SLC1A1: variants seen among roughly 807,000 people sequenced by gnomAD.
The protein encoded by SLC1A1 is excitatory amino acid transporter 3.
A neutral mutation model predicts 53.3 loss-of-function variants in SLC1A1; 43 were observed. The observed-to-expected ratio is 0.81, with a 90% confidence interval of 0.63 to 1.04. SLC1A1 has a LOEUF of 1.04. SLC1A1 is among the 50% of genes least tolerant of loss of function. SLC1A1 has a pLI of 0.00. For missense variants in SLC1A1, 748 were observed against 664.9 expected (o/e 1.12, Z -1.37); for synonymous variants, 307 against 243.2 (o/e 1.26, Z -2.44).
At chr9:4,523,664 C>T (rs1222727788) in intron 1 of SLC1A1, among the ~76,000 whole-genome samples, 1 of 152,194 alleles carries the variant, frequency 6.6e-6, no homozygotes, top group Non-Finnish European at 1.5e-5. Flanking sequence ...CTCTTTTGAG[C>T]ATTTCATGAG....
intron 1 of SLC1A1, among the ~76,000 whole-genome samples, chr9:4,533,898 G>A (rs200254282): frequency 1.3e-5 from 2 of 152,158 alleles, no homozygotes; most frequent in East Asian, 1.9e-4. Context: ...ACTCAGGATT[G>A]AGAAACTCAC....
intron 1 of SLC1A1, among the ~76,000 whole-genome samples, chr9:4,538,972 G>A (rs2130868242): frequency 1.3e-5 from 2 of 152,338 alleles, no homozygotes. Flanking sequence ...TTTGCTTAAT[G>A]TAGTGCCTAG....
intron 1 of SLC1A1, among the ~76,000 whole-genome samples, chr9:4,505,109 T>A (rs1045781739): frequency 4.2e-5 from 6 of 141,486 alleles, no homozygotes; most frequent in Non-Finnish European, 6.1e-5. Flanking sequence ...TGCAGCGGCA[T>A]GATCTTGGCT....
chr9:4,578,441 A>G (rs1295958416), intron 10 of SLC1A1, among the ~76,000 whole-genome samples: 1 of 152,128 alleles, frequency 6.6e-6, no homozygotes, highest in Non-Finnish European at 1.5e-5. Flanking sequence ...ACGTAGGGAG[A>G]GTTTGCAGAG....
At chr9:4,523,085 C>T (rs1343567019) in intron 1 of SLC1A1, among the ~76,000 whole-genome samples, 1 of 152,200 alleles carries the variant, frequency 6.6e-6, no homozygotes, top group Non-Finnish European at 1.5e-5. Context: ...CCTCCTCCTC[C>T]CCATCCCTGT....
chr9:4,577,745 G>A (rs1820695135), intron 10 of SLC1A1, among the ~76,000 whole-genome samples: 1 of 152,194 alleles, frequency 6.6e-6, no homozygotes, highest in African/African-American at 2.4e-5. Context: ...AAAGTGCCGG[G>A]ATTATAGGTG....
intron 6 of SLC1A1, among the ~76,000 whole-genome samples, chr9:4,568,638 T>C (rs1484035528): frequency 2.0e-5 from 3 of 151,438 alleles, no homozygotes; most frequent in South Asian, 2.1e-4. Context: ...GGAGGATCGT[T>C]TGAGCTATGA....
In SLC1A1 at chr9:4,586,963, T is replaced by C. The variant is rs1371392698; in HGVS notation, c.*1405T>C. On this transcript the variant is annotated 3_prime_UTR_variant, in exon 12 of 12. Transcript: ENST00000262352. ...ATTATAGTCTGTACTTCAGTTCTCA[T>C]CTTGTAAATAATGCTTAACATAAAC... 4 of 152,628 alleles carry C rather than the reference T, an allele frequency of 2.6e-5. No individual in the cohort carries two copies. Among genetic ancestry groups the C allele is most frequent in the Non-Finnish European group, 5.9e-5 (4 of 68,046 alleles). 9.5% of individuals were successfully genotyped at this position (152,628 alleles called of 1,614,324 possible).
At chr9:4,537,190 T>TA (rs977581681) in intron 1 of SLC1A1, among the ~76,000 whole-genome samples, 401 of 146,744 alleles carry the variant, frequency 2.7e-3, no homozygotes, top group African/African-American at 8.1e-3. Flanking sequence ...ACTTAAATAA[T>TA]AAAAAAAAAA....
chr9:4,565,765 A>C (rs759473150), intron 4 of SLC1A1, among the ~76,000 whole-genome samples: 2 of 152,194 alleles, frequency 1.3e-5, no homozygotes, highest in African/African-American at 2.4e-5. Flanking sequence ...ATTAAAGAAT[A>C]AATAGTCTCT....
intron 1 of SLC1A1, among the ~76,000 whole-genome samples, chr9:4,505,837 A>G (rs544095382): frequency 7.9e-5 from 12 of 151,688 alleles, no homozygotes; most frequent in African/African-American, 2.2e-4. Context: ...TTGTACTTTT[A>G]GTTTTTGGGA....
intron 1 of SLC1A1, among the ~76,000 whole-genome samples, chr9:4,510,831 C>G (rs996536462): frequency 6.6e-6 from 1 of 152,170 alleles, no homozygotes; most frequent in African/African-American, 2.4e-5. Context: ...ATTGGCTAGA[C>G]CAGGGTCCCT....
At position 4,556,405 on chromosome 9, in the gene SLC1A1, G is replaced by T. The variant is rs576796419; in HGVS notation, c.233-5044G>T. ...TTAAATACTCACTGTTGATTTCTGT[G>T]CAGATGCCATCACACCTGCTTAGTT... On this transcript the variant is annotated intron_variant, in intron 2 of 11. Coordinates refer to ENST00000262352, the MANE Select transcript of SLC1A1 (RefSeq NM_004170.6). This position sits in a 1 kb window ranked among gnomAD's most constrained non-coding sequence, Gnocchi z 4.1. Among the ~76,000 whole-genome samples the T allele has an allele frequency of 6.6e-4, 100 of 152,218 alleles. No individual in the cohort carries two copies. The highest frequency in any genetic ancestry group is 2.6e-4 in the Non-Finnish European group (18 of 68,022).
chr9:4,521,193 TTC>T (rs1288673751), intron 1 of SLC1A1, among the ~76,000 whole-genome samples: 1 of 152,232 alleles, frequency 6.6e-6, no homozygotes, highest in Non-Finnish European at 1.5e-5. Flanking sequence ...ATTTGCACAC[TTC>T]TCTTTTTTGA....
intron 2 of SLC1A1, among the ~76,000 whole-genome samples, chr9:4,552,831 T>C (rs1818044551): frequency 6.6e-6 from 1 of 151,528 alleles, no homozygotes; most frequent in African/African-American, 2.4e-5. Flanking sequence ...TTTTACTTAC[T>C]CTTTTTTGTC....
At position 4,496,813 on chromosome 9, in the gene SLC1A1, C is replaced by T. The variant is rs192329678; in HGVS notation, c.91+6043C>T. ...TCAAGAGGCTGATGTGGGAAGATCA[C>T]ATGAGGCCAGGAGTTCCAGGCTGCA... On this transcript the variant is annotated intron_variant, in intron 1 of 11. Coordinates refer to ENST00000262352, the MANE Select transcript of SLC1A1 (RefSeq NM_004170.6). Among the ~76,000 whole-genome samples the T allele has an allele frequency of 2.1e-3, 315 of 152,242 alleles. 1 individual carries two copies. The highest frequency in any genetic ancestry group is 4.2e-3 in the Admixed American group (64 of 15,304).
At chr9:4,550,986 C>T (rs893604948) in intron 2 of SLC1A1, among the ~76,000 whole-genome samples, 1 of 152,176 alleles carries the variant, frequency 6.6e-6, no homozygotes, top group African/African-American at 2.4e-5. Flanking sequence ...CAGCCAGGAG[C>T]TGACCCCTGC....
chr9:4,496,303 A>G (rs1343097460), intron 1 of SLC1A1, among the ~76,000 whole-genome samples: 2 of 152,092 alleles, frequency 1.3e-5, no homozygotes, highest in African/African-American at 4.8e-5. Context: ...CAGGGATGTG[A>G]CCTTCTGGGC....
chr9:4,562,432 T>C (rs569914819), intron 3 of SLC1A1, among the ~76,000 whole-genome samples: 8 of 152,180 alleles, frequency 5.3e-5, no homozygotes, highest in Non-Finnish European at 8.8e-5. Flanking sequence ...AGTATAATTA[T>C]AAAATATTTC....
Sources: gnomAD v4.1 joint callset for allele counts (sites outside exome capture counted in the v4.1 genomes callset) on GRCh38, gnomAD v4.1.1 for gene constraint, Gnocchi (gnomAD v3.1) non-coding constraint, MANE v1.5 for transcripts, NCBI Gene and HGNC (gene_info 2026-07-23, HGNC 2026-07-21) for gene names.